RPRD1A: variants seen among roughly 807,000 people sequenced by gnomAD.
RPRD1A encodes the protein regulation of nuclear pre-mRNA domain-containing protein 1A.
RPRD1A carries 9 observed loss-of-function variants against 37.8 expected under a neutral mutation model. That is an observed-to-expected ratio of 0.24 (90% CI 0.14 to 0.42). RPRD1A has a LOEUF of 0.42. Among genes scored for constraint, RPRD1A ranks in the 10% least tolerant of loss-of-function variants. RPRD1A has a pLI of 1.00. For missense variants in RPRD1A, 255 were observed against 371.0 expected, an observed-to-expected ratio of 0.69 and a Z score of 2.57; for synonymous variants, 138 against 139.7, an observed-to-expected ratio of 0.99 and a Z score of 0.08.
intron 6 of RPRD1A, among the ~76,000 whole-genome samples, chr18:36,008,579 A>ATATG: frequency 4.6e-5 from 1 of 21,632 alleles, no homozygotes; most frequent in Admixed American, 7.4e-4. Context: ...TTGTGTGTGT[A>ATATG]TATATATATA....
At chr18:36,022,128 C>T (rs1397699607) in intron 6 of RPRD1A, among the ~76,000 whole-genome samples, 1 of 152,152 alleles carries the variant, frequency 6.6e-6, no homozygotes, top group Non-Finnish European at 1.5e-5. Context: ...AAACTAAAGC[C>T]TAATTAATCC....
At chr18:36,067,039 A>G (rs1431144478) in intron 1 of RPRD1A, among the ~76,000 whole-genome samples, 1 of 152,072 alleles carries the variant, frequency 6.6e-6, no homozygotes, top group Non-Finnish European at 1.5e-5. Context: ...AGCTAACCGG[A>G]GTTTTCTTTT....
chr18:35,997,411 T>A (rs1419617313), intron 6 of RPRD1A, among the ~76,000 whole-genome samples: 1 of 152,110 alleles, frequency 6.6e-6, no homozygotes, highest in Non-Finnish European at 1.5e-5. Context: ...GGGAAAAAAA[T>A]TCTATCATTT....
intron 6 of RPRD1A, among the ~76,000 whole-genome samples, chr18:36,024,401 C>A (rs28379448): frequency 0.22 from 32,662 of 151,066 alleles, 3,569 homozygotes; most frequent in East Asian, 0.25. Flanking sequence ...AGTGATTCAC[C>A]CAGCTCAGCT....
At chr18:36,043,279 TCTGAGCCTACATGC>T (rs564835472) in intron 1 of RPRD1A, among the ~76,000 whole-genome samples, 34,234 of 150,460 alleles carry the variant, frequency 0.23, 3,947 homozygotes, top group African/African-American at 0.24. Context: ...ACATGATTAA[TCTGAGCCTACATGC>T]TGAAAAAGGC....
chr18:35,998,379 T>C (rs919632852), intron 6 of RPRD1A, among the ~76,000 whole-genome samples: 1 of 152,010 alleles, frequency 6.6e-6, no homozygotes, highest in Non-Finnish European at 1.5e-5. Flanking sequence ...AAAATGTAAC[T>C]ATTAAAATAA....
intron 6 of RPRD1A, among the ~76,000 whole-genome samples, chr18:36,006,751 C>T (rs1410400853): frequency 2.0e-5 from 3 of 152,148 alleles, no homozygotes; most frequent in Non-Finnish European, 2.9e-5. Flanking sequence ...AAAGGGGTAA[C>T]AATGCCGGAA....
intron 1 of RPRD1A, among the ~76,000 whole-genome samples, chr18:36,065,188 C>T (rs969559542): frequency 1.3e-4 from 20 of 152,254 alleles, no homozygotes; most frequent in Non-Finnish European, 1.5e-5. Flanking sequence ...ATGACAACCA[C>T]TATCTTGGAA....
intron 6 of RPRD1A, among the ~76,000 whole-genome samples, chr18:35,998,779 A>C (rs1345612068): frequency 6.6e-6 from 1 of 152,188 alleles, no homozygotes; most frequent in South Asian, 2.1e-4. Flanking sequence ...AGCTGAAACT[A>C]TCTCTGCGCT....
chr18:36,032,353 T>C (rs1212199458), intron 2 of RPRD1A, among the ~76,000 whole-genome samples: 2 of 152,210 alleles, frequency 1.3e-5, no homozygotes. Context: ...GCAACATATA[T>C]AGAAGACTTA....
intron 6 of RPRD1A, among the ~76,000 whole-genome samples, chr18:36,003,019 CTCT>C (rs1909521101): frequency 6.6e-6 from 1 of 152,218 alleles, no homozygotes; most frequent in African/African-American, 2.4e-5. Context: ...AACCCAAATC[CTCT>C]TTTCTAATAG....
At chr18:36,016,450 T>G (rs1224902484) in intron 6 of RPRD1A, among the ~76,000 whole-genome samples, 1 of 152,206 alleles carries the variant, frequency 6.6e-6, no homozygotes. Context: ...CTTGAACTCC[T>G]GACCTCAGAT....
chr18:35,995,261 GT>G (rs1232555714), intron 6 of RPRD1A, among the ~76,000 whole-genome samples: 11,522 of 109,058 alleles, frequency 0.11, 254 homozygotes, highest in African/African-American at 0.19. Context: ...GCTTTTTTTC[GT>G]TTTTTTTTTT....
intron 2 of RPRD1A, among the ~76,000 whole-genome samples, chr18:36,033,299 C>CCAAAAAA (rs1348356259): frequency 1.7e-4 from 13 of 75,922 alleles, no homozygotes; most frequent in African/African-American, 7.0e-4. Flanking sequence ...GACTCTGTCT[C>CCAAAAAA]AAAAAAAAAA....
At chr18:35,995,251 GCTTT>G (rs1412130652) in intron 6 of RPRD1A, among the ~76,000 whole-genome samples, 1 of 141,250 alleles carries the variant, frequency 7.1e-6, no homozygotes, top group South Asian at 2.2e-4. Context: ...CAATTTTTTT[GCTTT>G]TTTTCGTTTT....
intron 6 of RPRD1A, among the ~76,000 whole-genome samples, chr18:36,015,131 T>TAC (rs201284977): frequency 0.074 from 9,125 of 122,786 alleles, 329 homozygotes; most frequent in African/African-American, 0.098. Context: ...GGGTCTCACA[T>TAC]ACACACACAC....
chr18:36,020,075 C>T (rs963661723), intron 6 of RPRD1A, among the ~76,000 whole-genome samples: 4 of 151,896 alleles, frequency 2.6e-5, no homozygotes, highest in South Asian at 2.1e-4. Context: ...ATGGAAAGGA[C>T]GAACCTGTTG....
At chr18:36,000,582 AC>A (rs1909356472) in intron 6 of RPRD1A, among the ~76,000 whole-genome samples, 1 of 152,212 alleles carries the variant, frequency 6.6e-6, no homozygotes, top group Non-Finnish European at 1.5e-5. Flanking sequence ...GGTAGATGTT[AC>A]AAAGAAACTT....
At position 36,010,841 on chromosome 18, in the gene RPRD1A, A is replaced by G. The variant is rs181067364; in HGVS notation, c.789+16059T>C. On this transcript the variant is annotated intron_variant, in intron 6 of 6. Transcript: ENST00000399022. Reference sequence around the variant, plus strand: ...AAAGGAGATAGATTTCATAAACAGCAGACAAGTAGGCTTGACTCAGATAAG... The same window carrying G: ...AAAGGAGATAGATTTCATAAACAGCGGACAAGTAGGCTTGACTCAGATAAG... Among the ~76,000 whole-genome samples the G allele has an allele frequency of 2.0e-5, 3 of 152,364 alleles. No homozygotes were observed. In the East Asian group the frequency reaches 5.8e-4, roughly 29 times the overall value.
Sources: allele counts gnomAD v4.1 joint callset (sites outside exome capture counted in the v4.1 genomes callset), GRCh38; gene constraint gnomAD v4.1.1; transcripts MANE v1.5; gene names NCBI Gene and HGNC (gene_info 2026-07-23, HGNC 2026-07-21).